SLC25A21: variants seen among roughly 807,000 people sequenced by gnomAD.
SLC25A21 encodes the protein solute carrier family 25 member 21, also known as mitochondrial 2-oxodicarboxylate carrier.
SLC25A21 carries 47 observed loss-of-function variants against 43.8 expected under a neutral mutation model. The observed-to-expected ratio is 1.07, with a 90% CI of 0.85 to 1.37. The LOEUF (loss-of-function observed/expected upper bound fraction) is 1.37. Among genes scored for constraint, SLC25A21 ranks in the 40% most tolerant of loss-of-function variants. The pLI, the probability that SLC25A21 is intolerant of heterozygous loss-of-function variation, is 0.00. For missense variants in SLC25A21, 352 were observed against 350.2 expected, an observed-to-expected ratio of 1.00 and a Z score of -0.04; for synonymous variants, 131 against 121.3, an observed-to-expected ratio of 1.08 and a Z score of -0.52.
chr14:37,033,422 G>A (rs1961261842), intron 1 of SLC25A21, among the ~76,000 whole-genome samples: 1 of 152,104 alleles, frequency 6.6e-6, no homozygotes, highest in African/African-American at 2.4e-5. Context: ...TAATATTTTT[G>A]GAGGAAACTG....
At chr14:36,985,074 G>T (rs561100650) in intron 1 of SLC25A21, among the ~76,000 whole-genome samples, 76 of 150,186 alleles carry the variant, frequency 5.1e-4, no homozygotes, top group African/African-American at 1.3e-3. Context: ...ACTATCACAA[G>T]AACAAAAAAC....
At chr14:37,017,759 A>C (rs939452846) in intron 1 of SLC25A21, among the ~76,000 whole-genome samples, 1 of 152,080 alleles carries the variant, frequency 6.6e-6, no homozygotes, top group African/African-American at 2.4e-5. Context: ...TAAACAAAAA[A>C]ACCCAGAATG....
intron 1 of SLC25A21, among the ~76,000 whole-genome samples, chr14:37,137,298 GCACT>G: frequency 6.6e-6 from 1 of 152,110 alleles, no homozygotes. Context: ...CGCCCAGCTG[GCACT>G]GACTTTTGAA....
chr14:36,781,239 T>C (rs1008176428), intron 3 of SLC25A21, among the ~76,000 whole-genome samples: 1 of 152,118 alleles, frequency 6.6e-6, no homozygotes, highest in Non-Finnish European at 1.5e-5. Flanking sequence ...TTCTTGTAGG[T>C]AGCACATGGT....
chr14:37,146,214 G>A (rs1361934182), intron 1 of SLC25A21, among the ~76,000 whole-genome samples: 16 of 152,112 alleles, frequency 1.1e-4, no homozygotes, highest in Non-Finnish European at 2.1e-4. Flanking sequence ...TACCTGTCCT[G>A]TGCCAGGTTA....
intron 1 of SLC25A21, among the ~76,000 whole-genome samples, chr14:36,986,781 C>A (rs1398997342): frequency 6.6e-6 from 1 of 151,932 alleles, no homozygotes; most frequent in African/African-American, 2.4e-5. Context: ...TTCTTTATTT[C>A]TTTGTTTTTT....
chr14:36,817,107 A>G (rs1414221566), intron 2 of SLC25A21, among the ~76,000 whole-genome samples: 2 of 152,184 alleles, frequency 1.3e-5, no homozygotes, highest in Non-Finnish European at 2.9e-5. Flanking sequence ...GCATTTTCCC[A>G]AATTACCAAA....
intron 1 of SLC25A21, among the ~76,000 whole-genome samples, chr14:36,913,742 T>C (rs1594688848): frequency 6.6e-6 from 1 of 152,204 alleles, no homozygotes; most frequent in South Asian, 2.1e-4. Flanking sequence ...TCAGAGTAAG[T>C]TAATCATAGC....
At chr14:36,919,622 CCTATCTATCTATCTATCTAT>C (rs3061765) in intron 1 of SLC25A21, among the ~76,000 whole-genome samples, 90 of 61,516 alleles carry the variant, frequency 1.5e-3, no homozygotes, top group Non-Finnish European at 2.8e-3. Context: ...TATCTATCTA[CCTATCTATCTATCTATCTAT>C]CTATCTATCT....
chr14:36,693,569 C>A (rs1029031760), intron 7 of SLC25A21, among the ~76,000 whole-genome samples: 3 of 152,170 alleles, frequency 2.0e-5, no homozygotes, highest in Non-Finnish European at 2.9e-5. Flanking sequence ...GATTATAGTT[C>A]ATGTAATCTA....
At position 37,151,200 on chromosome 14, in the gene SLC25A21, C is replaced by T. The variant is rs534863774; in HGVS notation, c.70+21081G>A. On this transcript the variant is annotated intron_variant, in intron 1 of 9. Coordinates refer to ENST00000331299, the MANE Select transcript of SLC25A21 (RefSeq NM_030631.4). ...GTTTTTACAGACATTAAATTACATG[C>T]GACTTAAGATTCCCTCCTTTTTCAG... is the stretch of plus-strand genomic sequence containing the variant. Among the ~76,000 whole-genome samples the T allele has an allele frequency of 2.0e-5, 3 of 152,244 alleles. No homozygotes were observed. In the South Asian group the frequency reaches 6.2e-4, roughly 32 times the overall value.
chr14:36,878,171 T>G (rs1890602408), intron 1 of SLC25A21, among the ~76,000 whole-genome samples: 1 of 152,150 alleles, frequency 6.6e-6, no homozygotes, highest in Non-Finnish European at 1.5e-5. Context: ...AGCATAGATG[T>G]CTTGGTGTCC....
intron 1 of SLC25A21, among the ~76,000 whole-genome samples, chr14:37,031,365 A>G (rs966588934): frequency 6.6e-6 from 1 of 152,210 alleles, no homozygotes. Context: ...CAAAGCAGCA[A>G]AGTAAATCTT....
chr14:37,024,442 C>G (rs1386201169), intron 1 of SLC25A21, among the ~76,000 whole-genome samples: 1 of 151,974 alleles, frequency 6.6e-6, no homozygotes, highest in Non-Finnish European at 1.5e-5. Context: ...AATAGAGTCA[C>G]TGGAATCTTC....
At chr14:36,763,126 C>T (rs955867120) in intron 3 of SLC25A21, among the ~76,000 whole-genome samples, 1 of 152,022 alleles carries the variant, frequency 6.6e-6, no homozygotes, top group African/African-American at 2.4e-5. Context: ...ATAAAACAAG[C>T]AAAACATGCT....
intron 2 of SLC25A21, among the ~76,000 whole-genome samples, chr14:36,865,995 A>T (rs1334928340): frequency 6.6e-6 from 1 of 152,158 alleles, no homozygotes; most frequent in Non-Finnish European, 1.5e-5. Flanking sequence ...CAGCCAAAGT[A>T]TGCATTGGCC....
intron 7 of SLC25A21, among the ~76,000 whole-genome samples, chr14:36,699,939 C>A (rs1382563451): frequency 2.0e-5 from 3 of 152,198 alleles, no homozygotes; most frequent in Non-Finnish European, 4.4e-5. Flanking sequence ...TCAGTTCACC[C>A]TCCGTGGGCT....
At chr14:36,825,095 G>C (rs780235713) in intron 2 of SLC25A21, among the ~76,000 whole-genome samples, 1 of 152,086 alleles carries the variant, frequency 6.6e-6, no homozygotes, top group African/African-American at 2.4e-5. Flanking sequence ...TAACTGCATC[G>C]ATACATTCTG....
intron 3 of SLC25A21, among the ~76,000 whole-genome samples, chr14:36,740,438 C>T (rs1328061921): frequency 6.6e-6 from 1 of 152,118 alleles, no homozygotes; most frequent in Non-Finnish European, 1.5e-5. Context: ...TTTTCACAAA[C>T]CTAAGCAGAT....
Sources: gnomAD v4.1 joint callset for allele counts (sites outside exome capture counted in the v4.1 genomes callset) on GRCh38, gnomAD v4.1.1 for gene constraint, MANE v1.5 for transcripts, NCBI Gene and HGNC (gene_info 2026-07-23, HGNC 2026-07-21) for gene names.